PCNX2: variants seen among roughly 807,000 people sequenced by gnomAD.
PCNX2 encodes pecanex-like protein 2.
Under a neutral mutation model 223.8 loss-of-function variants are expected in PCNX2, and 168 were observed. That is an observed-to-expected ratio of 0.75 (90% CI 0.66 to 0.85). The LOEUF (loss-of-function observed/expected upper bound fraction) is 0.85. PCNX2 is among the 40% of genes least tolerant of loss of function. The probability of loss-of-function intolerance (pLI) is 0.00; values close to 1 mark genes in which losing one functional copy is unlikely to be tolerated. For missense variants in PCNX2, 2,507 were observed against 2,675.5 expected, an observed-to-expected ratio of 0.94 and a Z score of 1.39; for synonymous variants, 1,006 against 1,052.6, an observed-to-expected ratio of 0.96 and a Z score of 0.86.
At chr1:233,057,677 CT>C (rs146769111) in intron 23 of PCNX2, 25,453 of 186,266 alleles carry the variant, frequency 0.14, 2,123 homozygotes, top group African/African-American at 0.24. Flanking sequence ...TGGTACCAGT[CT>C]GGCAAACAGT....
chr1:233,063,405 G>A (rs557550970), intron 23 of PCNX2, among the ~76,000 whole-genome samples: 2 of 152,202 alleles, frequency 1.3e-5, no homozygotes, highest in African/African-American at 2.4e-5. Context: ...GAATGAGAGT[G>A]GGGGAGAGAA....
intron 15 of PCNX2, among the ~76,000 whole-genome samples, chr1:233,198,341 T>C (rs1223216167): frequency 6.6e-6 from 1 of 152,206 alleles, no homozygotes; most frequent in African/African-American, 2.4e-5. Flanking sequence ...GATTACTATA[T>C]AAATATGGTT....
chr1:233,167,015 G>A (rs539949947), intron 17 of PCNX2, among the ~76,000 whole-genome samples: 4 of 152,084 alleles, frequency 2.6e-5, no homozygotes, highest in Admixed American at 6.5e-5. Context: ...GAACTACCAC[G>A]TGCCCCAGCA....
At position 233,052,958 on chromosome 1, in the gene PCNX2, C is replaced by T. The variant is rs554890069; in HGVS notation, c.4351+1310G>A. Among the ~76,000 whole-genome samples, 9 of 151,942 alleles carry T rather than the reference C, an allele frequency of 5.9e-5. No individual in the cohort carries two copies. In the East Asian group the frequency reaches 1.8e-3, roughly 30 times the overall value. On this transcript the variant is annotated intron_variant, in intron 25 of 33. Coordinates refer to ENST00000258229, the MANE Select transcript of PCNX2 (RefSeq NM_014801.4). ...CCCTTCTGATTCCACCTCCCAGTCT[C>T]TGGGCACTTCCCTGTCTCTGCCATC...
At chr1:233,321,339 C>T in the PCNX2 span, among the ~76,000 whole-genome samples, 1 of 151,974 alleles carries the variant, frequency 6.6e-6, no homozygotes, top group African/African-American at 2.4e-5. Context: ...GCTCTGTCAC[C>T]CAGGCTGGAG....
chr1:233,077,233 G>A (rs1673133513), intron 23 of PCNX2, among the ~76,000 whole-genome samples: 1 of 152,130 alleles, frequency 6.6e-6, no homozygotes, highest in African/African-American at 2.4e-5. Flanking sequence ...TTGGTGGGGG[G>A]AAGGAATAGT....
At chr1:233,307,661 G>T in the PCNX2 span, among the ~76,000 whole-genome samples, 4 of 152,188 alleles carry the variant, frequency 2.6e-5, no homozygotes, top group East Asian at 5.8e-4. Context: ...TAATCTCTCT[G>T]TGTCTGGTAC....
At chr1:233,037,173 G>C (rs1671482675) in intron 25 of PCNX2, among the ~76,000 whole-genome samples, 1 of 152,164 alleles carries the variant, frequency 6.6e-6, no homozygotes, top group East Asian at 1.9e-4. Flanking sequence ...TAATAGTATA[G>C]TTACATGACT....
At chr1:233,260,511 G>T (rs1043540264) in intron 4 of PCNX2, among the ~76,000 whole-genome samples, 1 of 152,048 alleles carries the variant, frequency 6.6e-6, no homozygotes, top group Non-Finnish European at 1.5e-5. Context: ...TAACTCATGT[G>T]AATTTATTTC....
At chr1:233,254,459 T>A (rs1225969500) in intron 5 of PCNX2, among the ~76,000 whole-genome samples, 1 of 152,234 alleles carries the variant, frequency 6.6e-6, no homozygotes. Flanking sequence ...TATCTTAGAC[T>A]CCTTTTCTCT....
At chr1:233,225,369 C>T (rs1657647757) in intron 10 of PCNX2, among the ~76,000 whole-genome samples, 1 of 152,024 alleles carries the variant, frequency 6.6e-6, no homozygotes, top group African/African-American at 2.4e-5. Flanking sequence ...ACCCATTTAA[C>T]AGATAGGAAA....
intron 1 of PCNX2, chr1:233,291,073 T>C (rs1661736208): frequency 1.0e-6 from 1 of 985,208 alleles, no homozygotes; most frequent in South Asian, 4.7e-5. Flanking sequence ...GCCTTCAAAG[T>C]GCTCTTATAT....
intron 30 of PCNX2, among the ~76,000 whole-genome samples, chr1:232,999,800 G>C (rs1375699887): frequency 6.6e-6 from 1 of 152,202 alleles, no homozygotes; most frequent in Non-Finnish European, 1.5e-5. Context: ...TCTTTTCACA[G>C]TTAAGCCAGA....
Position 233,217,928 on chromosome 1 carries a change from C to G in PCNX2, c.2662G>C (p.Val888Leu), listed in dbSNP as rs778838434. The G allele has an allele frequency of 2.3e-5, 37 of 1,613,676 alleles. No individual in the cohort carries two copies. The highest frequency in any genetic ancestry group is 3.0e-5 in the Non-Finnish European group (35 of 1,179,854). ...ASCQYSLLKSVQPDPASPIHG... is the reference protein window; with the variant it reads ...ASCQYSLLKSLQPDPASPIHG... ...ATTGGTGAGGCGGGGTCAGGCTGAA[C>G]ACTCTAAAACACAAATCAGAAGTGT... The change falls in exon 12 of 34, where the codon GTT (valine) becomes CTT (leucine). Residue 888 changes from valine (V) to leucine (L), a missense_variant. Physicochemically the swap from Val to Leu is conservative, Grantham distance 32. Around this residue, in one of 3 missense-constraint regions of PCNX2, gnomAD observed 104 missense variants for 144.4 expected, o/e 0.72. Coordinates refer to ENST00000258229, the MANE Select transcript of PCNX2 (RefSeq NM_014801.4).
chr1:233,237,557 A>C (rs74988022), intron 8 of PCNX2, among the ~76,000 whole-genome samples: 1 of 152,346 alleles, frequency 6.6e-6, no homozygotes, highest in African/African-American at 2.4e-5. Context: ...CAAGACTTAA[A>C]TTAATAGTAA....
intron 12 of PCNX2, among the ~76,000 whole-genome samples, chr1:233,214,680 A>T (rs1471945138): frequency 6.6e-6 from 1 of 152,150 alleles, no homozygotes; most frequent in Non-Finnish European, 1.5e-5. Flanking sequence ...TAATATCTTC[A>T]TTCCCCATTA....
chr1:233,256,035 T>C lies in PCNX2; in HGVS notation c.1834+1993A>G, dbSNP rs1399635698. On this transcript the variant is annotated intron_variant, in intron 5 of 33. Coordinates refer to ENST00000258229, the MANE Select transcript of PCNX2 (RefSeq NM_014801.4). ...CCTCTGTCCTTTCCTAAAAGAAGCA[T>C]GTAATTTATTCCAACTCCTCCCTTC... 3.3e-5 allele frequency among the ~76,000 whole-genome samples: 5 copies of C among 152,276 alleles called. No homozygotes were observed. In the South Asian group the frequency reaches 8.3e-4, roughly 25 times the overall value.
the PCNX2 span, among the ~76,000 whole-genome samples, chr1:233,320,209 T>G: frequency 6.6e-6 from 1 of 152,190 alleles, no homozygotes; most frequent in African/African-American, 2.4e-5. Flanking sequence ...TCACCTGATT[T>G]TCTCCAATGG....
At chr1:233,147,959 A>G (rs1677560758) in intron 19 of PCNX2, among the ~76,000 whole-genome samples, 1 of 152,254 alleles carries the variant, frequency 6.6e-6, no homozygotes, top group African/African-American at 2.4e-5. Flanking sequence ...AACCTTTACT[A>G]TTATTTTTAT....
Sources: allele counts gnomAD v4.1 joint callset (sites outside exome capture counted in the v4.1 genomes callset), GRCh38; gene constraint gnomAD v4.1.1; regional missense constraint gnomAD v4.1.1; transcripts MANE v1.5; gene names NCBI Gene and HGNC (gene_info 2026-07-23, HGNC 2026-07-21).